The following SMOC1 variants were observed in gnomAD, a reference collection of about 807,000 sequenced individuals.
The protein encoded by SMOC1 is SPARC related modular calcium binding 1.
A neutral mutation model predicts 56.3 loss-of-function variants in SMOC1; 22 were observed. The ratio of observed to expected loss-of-function variants is 0.39; its 90% confidence interval spans 0.28 to 0.56. The LOEUF (loss-of-function observed/expected upper bound fraction) is 0.56, where lower values mean the gene tolerates loss of function less well. Among genes scored for constraint, SMOC1 ranks in the 20% least tolerant of loss-of-function variants. The pLI is 0.61. For synonymous variants in SMOC1, 193 were observed against 215.0 expected (o/e 0.90, Z 0.89); for missense variants, 509 against 565.4 (o/e 0.90, Z 1.01).
intron 1 of SMOC1, among the ~76,000 whole-genome samples, chr14:69,921,523 A>G (rs1169480271): frequency 2.6e-5 from 4 of 152,198 alleles, no homozygotes; most frequent in Non-Finnish European, 5.9e-5. Context: ...GATGTGTCAC[A>G]TGCTGAGTCC....
intron 1 of SMOC1, among the ~76,000 whole-genome samples, chr14:69,890,977 A>C (rs1047448883): frequency 6.6e-6 from 1 of 152,224 alleles, no homozygotes; most frequent in African/African-American, 2.4e-5. Flanking sequence ...AATGACCACC[A>C]ACAGAAGAAT....
intron 1 of SMOC1, chr14:69,885,396 G>A (rs1883772522): frequency 1.5e-5 from 24 of 1,599,804 alleles, no homozygotes; most frequent in South Asian, 1.4e-4. Context: ...TTGGCGATAC[G>A]AGCCACAGAC....
chr14:70,025,842 A>G (rs1308725605), intron 11 of SMOC1, among the ~76,000 whole-genome samples: 2 of 152,204 alleles, frequency 1.3e-5, no homozygotes, highest in African/African-American at 2.4e-5. Flanking sequence ...GCTTAATGGG[A>G]AAAATGCTAG....
intron 9 of SMOC1, among the ~76,000 whole-genome samples, chr14:70,012,469 T>C (rs1440076775): frequency 6.6e-6 from 1 of 152,236 alleles, no homozygotes; most frequent in Admixed American, 6.5e-5. Flanking sequence ...TGGTGGGTAC[T>C]CTGAGGGAAA....
At chr14:69,980,525 C>T (rs1167050875) in intron 5 of SMOC1, among the ~76,000 whole-genome samples, 2 of 152,184 alleles carry the variant, frequency 1.3e-5, no homozygotes, top group Admixed American at 6.5e-5. Context: ...AGAGCAGGTT[C>T]GGGCCACCTG....
intron 7 of SMOC1, among the ~76,000 whole-genome samples, chr14:70,003,723 C>A (rs887549834): frequency 6.6e-6 from 1 of 152,118 alleles, no homozygotes. Flanking sequence ...AAGGGGCCCA[C>A]GAGGGCAGAT....
chr14:69,998,428 G>GTTT (rs36077349), intron 7 of SMOC1, among the ~76,000 whole-genome samples: 1 of 146,550 alleles, frequency 6.8e-6, no homozygotes, highest in African/African-American at 2.5e-5. Context: ...CTCTTGCTAA[G>GTTT]TTTTTTTTTT....
rs994552369 is a variant in SMOC1 at position 70,001,761 on chromosome 14, G to A, written c.664+7281G>A. ...GGTTTAATGTTTTTCACACACGATT[G>A]CATTTAATCTTCACAATGACCCTGT... On this transcript the variant is annotated intron_variant, in intron 7 of 11. Coordinates refer to ENST00000361956, the MANE Select transcript of SMOC1 (RefSeq NM_001034852.3). Among the ~76,000 whole-genome samples the A allele has an allele frequency of 7.2e-5, 11 of 152,276 alleles. No individual in the cohort carries two copies. The East Asian group carries it at 1.5e-3, about 21-fold the overall frequency.
chr14:69,987,479 C>T (rs181745860), intron 5 of SMOC1, among the ~76,000 whole-genome samples: 10 of 152,282 alleles, frequency 6.6e-5, no homozygotes, highest in African/African-American at 2.4e-4. Flanking sequence ...AGAGAAAGCT[C>T]TTTGTATGTG....
chr14:70,014,925 G>T (rs1006562861), intron 10 of SMOC1, among the ~76,000 whole-genome samples: 10 of 152,222 alleles, frequency 6.6e-5, no homozygotes, highest in Non-Finnish European at 2.9e-5. Flanking sequence ...TGTGTTTAGG[G>T]TAGGAGTTTA....
intron 1 of SMOC1, among the ~76,000 whole-genome samples, chr14:69,921,774 G>T (rs1270060167): frequency 6.6e-6 from 1 of 152,226 alleles, no homozygotes; most frequent in Non-Finnish European, 1.5e-5. Context: ...TGCTTCTTAT[G>T]TGTTCCTTTC....
At chr14:69,954,867 A>G (rs186474486) in intron 3 of SMOC1, among the ~76,000 whole-genome samples, 8 of 152,302 alleles carry the variant, frequency 5.3e-5, no homozygotes, top group Non-Finnish European at 1.0e-4. Context: ...GGCTTCAGGT[A>G]TCATTTCCAG....
At chr14:69,899,704 C>T (rs1884191866) in intron 1 of SMOC1, among the ~76,000 whole-genome samples, 1 of 152,178 alleles carries the variant, frequency 6.6e-6, no homozygotes, top group African/African-American at 2.4e-5. Context: ...GGAGGTAAAA[C>T]TCACTAAAAT....
intron 1 of SMOC1, among the ~76,000 whole-genome samples, chr14:69,945,466 G>C (rs1001286977): frequency 6.6e-6 from 1 of 152,164 alleles, no homozygotes; most frequent in Non-Finnish European, 1.5e-5. Context: ...AAGTCATCAT[G>C]GATAAGACAG....
At chr14:69,881,209 G>A (rs1883628109) in intron 1 of SMOC1, among the ~76,000 whole-genome samples, 1 of 152,166 alleles carries the variant, frequency 6.6e-6, no homozygotes, top group Non-Finnish European at 1.5e-5. Flanking sequence ...GAAGCTGCTT[G>A]GTTTGATATT....
chr14:69,944,644 A>G (rs1253749387), intron 1 of SMOC1, among the ~76,000 whole-genome samples: 1 of 152,068 alleles, frequency 6.6e-6, no homozygotes, highest in African/African-American at 2.4e-5. Flanking sequence ...TGCCCGAAAA[A>G]CTAGAGTGCT....
chr14:69,993,830 A>G (rs1283898396), intron 6 of SMOC1, among the ~76,000 whole-genome samples: 7 of 152,096 alleles, frequency 4.6e-5, no homozygotes, highest in East Asian at 1.9e-4. Context: ...GTCACTTAGG[A>G]TTCCCATCTG....
intron 1 of SMOC1, among the ~76,000 whole-genome samples, chr14:69,930,205 C>A (rs1000985486): frequency 3.3e-5 from 5 of 151,594 alleles, no homozygotes; most frequent in Non-Finnish European, 7.4e-5. Context: ...TGACAGCACC[C>A]TTCTCACCCC....
At chr14:70,025,583 C>T (rs192355566) in intron 11 of SMOC1, among the ~76,000 whole-genome samples, 46 of 152,278 alleles carry the variant, frequency 3.0e-4, no homozygotes, top group Admixed American at 1.0e-3. Flanking sequence ...TCACTACATG[C>T]GGCTTGAGTG....
Sources: gnomAD v4.1 joint callset for allele counts (sites outside exome capture counted in the v4.1 genomes callset) on GRCh38, gnomAD v4.1.1 for gene constraint, MANE v1.5 for transcripts, NCBI Gene and HGNC (gene_info 2026-07-23, HGNC 2026-07-21) for gene names.